Variants in DOCK2 observed in about 807,000 individuals in gnomAD.
DOCK2 encodes the protein dedicator of cytokinesis protein 2.
A neutral mutation model predicts 248.9 loss-of-function variants in DOCK2; 87 were observed. That is an observed-to-expected ratio of 0.35 (90% CI 0.29 to 0.42). The LOEUF (loss-of-function observed/expected upper bound fraction) is 0.42. Among genes scored for constraint, DOCK2 ranks in the 10% least tolerant of loss-of-function variants. DOCK2 has a pLI of 1.00. For synonymous variants in DOCK2, 805 were observed against 821.6 expected, an observed-to-expected ratio of 0.98 and a Z score of 0.35; for missense variants, 1,747 against 2,300.2, an observed-to-expected ratio of 0.76 and a Z score of 4.92.
In DOCK2 at chr5:169,681,949, G is replaced by A. The variant is rs2113356775; in HGVS notation, c.606+70G>A. On this transcript the variant is annotated intron_variant, in intron 7 of 51. Transcript: ENST00000520908. The stretch of plus-strand genomic sequence containing the variant: ...AGCACATCATAAACTTAAAATAATG[G>A]GCTAATGAACCAGACTGTGTATTAT... The A allele has an allele frequency of 3.2e-6, 5 of 1,578,512 alleles. No individual in the cohort carries two copies. In the South Asian group the frequency reaches 4.7e-5, roughly 15 times the overall value.
At chr5:169,735,591 G>A (rs1262184451) in intron 22 of DOCK2, among the ~76,000 whole-genome samples, 3 of 152,200 alleles carry the variant, frequency 2.0e-5, no homozygotes, top group Admixed American at 6.5e-5. Context: ...ATAGACGTCA[G>A]TTTTTATTTA....
intron 27 of DOCK2, among the ~76,000 whole-genome samples, chr5:169,906,967 A>G (rs1774316407): frequency 6.6e-6 from 1 of 152,178 alleles, no homozygotes; most frequent in Non-Finnish European, 1.5e-5. Context: ...GAGTTCTGCT[A>G]TGAGTCAGGC....
chr5:169,736,896 CAT>C (rs1396837190), intron 22 of DOCK2, among the ~76,000 whole-genome samples: 1 of 152,148 alleles, frequency 6.6e-6, no homozygotes, highest in African/African-American at 2.4e-5. Context: ...TTAGTAATCA[CAT>C]GTTTATCCAA....
At chr5:170,028,776 C>T (rs1756020291) in intron 34 of DOCK2, among the ~76,000 whole-genome samples, 1 of 151,832 alleles carries the variant, frequency 6.6e-6, no homozygotes, top group African/African-American at 2.4e-5. Context: ...CACGCGTGCG[C>T]ACACACACCC....
chr5:169,909,558 T>TGCAAAC (rs1774477955), intron 27 of DOCK2, among the ~76,000 whole-genome samples: 2 of 152,352 alleles, frequency 1.3e-5, no homozygotes, highest in African/African-American at 4.8e-5. Context: ...AGGTGAGTAT[T>TGCAAAC]ATTATCTGCA....
At chr5:169,696,656 T>G (rs1012322862) in intron 10 of DOCK2, among the ~76,000 whole-genome samples, 3 of 152,234 alleles carry the variant, frequency 2.0e-5, no homozygotes, top group Non-Finnish European at 2.9e-5. Flanking sequence ...TATAAAATTT[T>G]AAGAGTATAC....
intron 22 of DOCK2, among the ~76,000 whole-genome samples, chr5:169,731,805 G>A (rs116700295): frequency 0.011 from 1,624 of 152,176 alleles, 30 homozygotes; most frequent in African/African-American, 0.037. Flanking sequence ...GAGTGCCATA[G>A]GAGTGATAAA....
intron 29 of DOCK2, among the ~76,000 whole-genome samples, chr5:169,991,880 T>C (rs1307909518): frequency 1.3e-5 from 2 of 152,240 alleles, no homozygotes; most frequent in East Asian, 3.8e-4. Context: ...TTATGTTTAA[T>C]GGGTATAACA....
chr5:170,003,632 G>A (rs1320512741), intron 30 of DOCK2, among the ~76,000 whole-genome samples: 3 of 152,236 alleles, frequency 2.0e-5, no homozygotes, highest in Non-Finnish European at 4.4e-5. Context: ...AGACCAAAAT[G>A]CTCCTGTGAT....
At chr5:169,691,524 G>T (rs1034132698) in intron 9 of DOCK2, among the ~76,000 whole-genome samples, 2 of 152,194 alleles carry the variant, frequency 1.3e-5, no homozygotes, top group African/African-American at 2.4e-5. Flanking sequence ...ATAATAAAAT[G>T]CATGCACAAA....
rs1281732774 is a variant in DOCK2, at chr5:170,083,060, G to A, written c.*202G>A. Reference sequence around the variant, plus strand: ...CATCCCCTGGGGCTGTGATCATGGTGGATGAGGAAGCCTCAACGTAGATTC... The same window carrying A: ...CATCCCCTGGGGCTGTGATCATGGTAGATGAGGAAGCCTCAACGTAGATTC... On this transcript the variant is annotated 3_prime_UTR_variant, in exon 52 of 52. Coordinates refer to ENST00000520908, the MANE Select transcript of DOCK2 (RefSeq NM_004946.3). 10 of 607,904 alleles carry A rather than the reference G, an allele frequency of 1.6e-5. No homozygotes were observed. In the Admixed American group the frequency reaches 1.8e-4, roughly 11 times the overall value. 37.7% of individuals were successfully genotyped at this position (607,904 alleles called of 1,614,324 possible).
At chr5:169,938,711 A>C (rs1776099081) in intron 27 of DOCK2, among the ~76,000 whole-genome samples, 1 of 152,198 alleles carries the variant, frequency 6.6e-6, no homozygotes, top group Non-Finnish European at 1.5e-5. Flanking sequence ...GCTATGCTAC[A>C]TTTATTAAAA....
chr5:169,802,002 G>A (rs566574258), intron 25 of DOCK2, among the ~76,000 whole-genome samples: 71 of 151,912 alleles, frequency 4.7e-4, no homozygotes, highest in African/African-American at 1.5e-3. Flanking sequence ...CATCTGAGTC[G>A]GGGCAGCTTG....
At chr5:169,864,375 T>A in intron 27 of DOCK2, 1 of 1,551,420 alleles carries the variant, frequency 6.4e-7, no homozygotes, top group Non-Finnish European at 8.7e-7. Flanking sequence ...GTGGGGGCGA[T>A]GCCTCCTCAA....
chr5:169,798,223 C>T (rs988440841), intron 25 of DOCK2, among the ~76,000 whole-genome samples: 1 of 152,202 alleles, frequency 6.6e-6, no homozygotes, highest in East Asian at 1.9e-4. Context: ...TTCCTCGGAA[C>T]CTATGTTTTG....
chr5:169,855,457 C>T lies in DOCK2; in HGVS notation c.2799+14605C>T, dbSNP rs145911331. 2.6e-3 allele frequency among the ~76,000 whole-genome samples: 390 copies of T among 152,190 alleles called. 3 individuals are homozygous for T. The highest frequency in any genetic ancestry group is 8.9e-3 in the African/African-American group (371 of 41,518). On this transcript the variant is annotated intron_variant, in intron 27 of 51. Coordinates refer to ENST00000520908, the MANE Select transcript of DOCK2 (RefSeq NM_004946.3). ...GACCAGTAGGAAGTTAGGCTATAAG[C>T]GCTAGAGTGGCGTTAGATTATAAGG...
intron 27 of DOCK2, among the ~76,000 whole-genome samples, chr5:169,848,690 G>A (rs1197259362): frequency 6.6e-6 from 1 of 152,178 alleles, no homozygotes; most frequent in Middle Eastern, 3.2e-3. Context: ...AAGCCTCTGG[G>A]TGATATATTT....
chr5:169,754,920 ATTAT>A (rs144364050), intron 23 of DOCK2, among the ~76,000 whole-genome samples: 3,848 of 141,320 alleles, frequency 0.027, 73 homozygotes, highest in Middle Eastern at 0.051. Flanking sequence ...CCTATTTTTT[ATTAT>A]TTATTTATTT....
chr5:169,857,436 T>G (rs774662214), intron 27 of DOCK2, among the ~76,000 whole-genome samples: 1 of 152,182 alleles, frequency 6.6e-6, no homozygotes, highest in Non-Finnish European at 1.5e-5. Flanking sequence ...CTGAATGCCA[T>G]GTAGACCTCA....
Sources: gnomAD v4.1 joint callset for allele counts (sites outside exome capture counted in the v4.1 genomes callset) on GRCh38, gnomAD v4.1.1 for gene constraint, MANE v1.5 for transcripts, NCBI Gene and HGNC (gene_info 2026-07-23, HGNC 2026-07-21) for gene names.